Variants in RUNX1 observed in about 807,000 individuals in gnomAD.
RUNX1 encodes the protein RUNX family transcription factor 1.
Under a neutral mutation model 42.8 loss-of-function variants are expected in RUNX1, and 19 were observed. The ratio of observed to expected loss-of-function variants is 0.44; its 90% confidence interval spans 0.31 to 0.65. RUNX1 has a LOEUF of 0.65. Ranked by LOEUF, RUNX1 falls within the 30% of genes least tolerant of loss-of-function variation. The pLI is 0.07. For synonymous variants in RUNX1, 271 were observed against 289.4 expected, an observed-to-expected ratio of 0.94 and a Z score of 0.64; for missense variants, 528 against 672.0, an observed-to-expected ratio of 0.79 and a Z score of 2.37.
At chr21:34,896,261 G>T (rs2058129005) in intron 2 of RUNX1, among the ~76,000 whole-genome samples, 1 of 152,162 alleles carries the variant, frequency 6.6e-6, no homozygotes. Flanking sequence ...TAGTTTCAGA[G>T]ACTGTTTCCA....
intron 6 of RUNX1, among the ~76,000 whole-genome samples, chr21:34,854,309 C>T (rs1212788927): frequency 6.6e-6 from 1 of 152,146 alleles, no homozygotes; most frequent in East Asian, 1.9e-4. Context: ...CTTTGATCAA[C>T]CTATTTTAAC....
At chr21:34,840,284 G>T (rs2057214358) in intron 6 of RUNX1, among the ~76,000 whole-genome samples, 1 of 152,200 alleles carries the variant, frequency 6.6e-6, no homozygotes, top group Admixed American at 6.5e-5. Flanking sequence ...TGTTAATGCA[G>T]ATGCCACAAT....
Position 34,792,456 on chromosome 21 carries a change from G to A in RUNX1, c.1122C>T (p.Ala374=). The A allele has an allele frequency of 6.3e-7, 1 of 1,579,574 alleles. No individual in the cohort carries two copies. Among genetic ancestry groups the A allele is most frequent in the South Asian group, 1.2e-5 (1 of 86,622 alleles). ...GCGGCAGGTAGGTGTGGTAGCGCGT[G>A]GCCGAGCCCATGGCCGACATGCCGA... ...IGIGMSAMGS[A]TRYHTYLPPP... The change falls in exon 9 of 9, where the codon GCC becomes GCT. Residue 374 remains alanine (A), a synonymous_variant. Transcript: ENST00000675419. This position sits in a 1 kb window ranked among gnomAD's most constrained non-coding sequence, Gnocchi z 6.9.
intron 2 of RUNX1, among the ~76,000 whole-genome samples, chr21:35,012,591 A>G (rs752224412): frequency 6.6e-6 from 1 of 152,210 alleles, no homozygotes; most frequent in Non-Finnish European, 1.5e-5. Flanking sequence ...GATTAATAAA[A>G]ATTAGTGACC....
intron 6 of RUNX1, among the ~76,000 whole-genome samples, chr21:34,840,719 G>C (rs1354890675): frequency 1.3e-5 from 2 of 152,186 alleles, no homozygotes; most frequent in Admixed American, 1.3e-4. Flanking sequence ...CACCTGGCCT[G>C]CTCTATCTTT....
intron 4 of RUNX1, among the ~76,000 whole-genome samples, chr21:34,883,018 A>C (rs1307451644): frequency 6.6e-6 from 1 of 152,202 alleles, no homozygotes; most frequent in Non-Finnish European, 1.5e-5. Context: ...AACTACAGGA[A>C]TGTATTCTGA....
chr21:35,000,182 T>C (rs932973367), intron 2 of RUNX1, among the ~76,000 whole-genome samples: 5 of 152,054 alleles, frequency 3.3e-5, no homozygotes, highest in Non-Finnish European at 4.4e-5. Context: ...GGAAACTGTG[T>C]CTACTGATTT....
At chr21:34,811,325 T>C (rs1055913484) in intron 7 of RUNX1, among the ~76,000 whole-genome samples, 2 of 152,246 alleles carry the variant, frequency 1.3e-5, no homozygotes, top group East Asian at 1.9e-4. Context: ...GTTTTTCTCA[T>C]GCAGTCCTCC....
chr21:34,841,187 C>T (rs116273341), intron 6 of RUNX1, among the ~76,000 whole-genome samples: 4,190 of 152,248 alleles, frequency 0.028, 69 homozygotes, highest in African/African-American at 0.04. Context: ...TCACCCACCC[C>T]GCCCACACTC....
At chr21:34,804,471 G>C (rs2056651551) in intron 7 of RUNX1, among the ~76,000 whole-genome samples, 1 of 152,008 alleles carries the variant, frequency 6.6e-6, no homozygotes, top group East Asian at 1.9e-4. Context: ...CCAACTCTTG[G>C]GTACATGAGA....
At chr21:34,889,623 C>G in intron 3 of RUNX1, 1 of 1,074,708 alleles carries the variant, frequency 9.3e-7, no homozygotes, top group Non-Finnish European at 1.1e-6. Context: ...GGAAGCGGCC[C>G]CCGCTCCTCT....
intron 2 of RUNX1, among the ~76,000 whole-genome samples, chr21:35,045,338 G>A (rs1454547478): frequency 1.3e-5 from 2 of 151,926 alleles, no homozygotes; most frequent in Non-Finnish European, 2.9e-5. Context: ...TGTGGGCCAG[G>A]GTGGGTCAGA....
At chr21:35,027,670 T>C (rs1487194016) in intron 2 of RUNX1, among the ~76,000 whole-genome samples, 1 of 152,110 alleles carries the variant, frequency 6.6e-6, no homozygotes, top group East Asian at 1.9e-4. Context: ...GAGTTGAAGT[T>C]AGGTTCTGAG....
chr21:34,859,764 A>C (rs573885353), intron 5 of RUNX1, among the ~76,000 whole-genome samples, 186 bp from the exon 6 acceptor site: 1 of 152,352 alleles, frequency 6.6e-6, no homozygotes, highest in East Asian at 1.9e-4. Flanking sequence ...CCTAAGTGTA[A>C]CACTTCACAT....
chr21:35,036,583 G>GA (rs1449437451), intron 2 of RUNX1, among the ~76,000 whole-genome samples: 1 of 151,924 alleles, frequency 6.6e-6, no homozygotes, highest in Non-Finnish European at 1.5e-5. Flanking sequence ...AAAAGAAGGG[G>GA]AAAAAAACCC....
chr21:34,930,238 A>ATATACATGTATATATATTATATATATAT (rs2058429883), intron 2 of RUNX1, among the ~76,000 whole-genome samples: 1 of 109,198 alleles, frequency 9.2e-6, no homozygotes. Flanking sequence ...ATATATACAT[A>ATATACATGTATATATATTATATATATAT]TTATATATGT....
intron 2 of RUNX1, among the ~76,000 whole-genome samples, chr21:35,013,877 T>G (rs982827312): frequency 2.2e-4 from 34 of 152,342 alleles, no homozygotes; most frequent in African/African-American, 8.2e-4. Context: ...TTATAGAAAT[T>G]CATGCAAAAA....
intron 2 of RUNX1, among the ~76,000 whole-genome samples, chr21:35,021,893 C>T (rs578079387): frequency 1.1e-4 from 17 of 152,264 alleles, no homozygotes; most frequent in South Asian, 2.1e-4. Context: ...TCTCATAAGG[C>T]GGAAGAAGGC....
intron 5 of RUNX1, among the ~76,000 whole-genome samples, chr21:34,877,372 A>G (rs1219758060): frequency 6.6e-6 from 1 of 152,096 alleles, no homozygotes; most frequent in African/African-American, 2.4e-5. Flanking sequence ...ATTTGGCTAA[A>G]ATGTGAATTA....
Sources: gnomAD v4.1 joint callset for allele counts (sites outside exome capture counted in the v4.1 genomes callset) on GRCh38, gnomAD v4.1.1 for gene constraint, Gnocchi (gnomAD v3.1) non-coding constraint, MANE v1.5 for transcripts, NCBI Gene and HGNC (gene_info 2026-07-23, HGNC 2026-07-21) for gene names.